NDRG3: variants seen among roughly 807,000 people sequenced by gnomAD.
NDRG3 encodes NDRG family member 3, also known as protein NDRG3.
A neutral mutation model predicts 57.2 loss-of-function variants in NDRG3; 23 were observed. That is an observed-to-expected ratio of 0.40 (90% CI 0.29 to 0.57). The LOEUF (loss-of-function observed/expected upper bound fraction) is 0.57. Ranked by LOEUF, NDRG3 falls within the 20% of genes least tolerant of loss-of-function variation. The pLI, the probability that NDRG3 is intolerant of heterozygous loss-of-function variation, is 0.42. For missense variants in NDRG3, 384 were observed against 457.3 expected, an observed-to-expected ratio of 0.84 and a Z score of 1.46; for synonymous variants, 132 against 162.6, an observed-to-expected ratio of 0.81 and a Z score of 1.43.
chr20:36,677,128 C>G (rs1273129300), intron 8 of NDRG3, among the ~76,000 whole-genome samples: 1 of 152,154 alleles, frequency 6.6e-6, no homozygotes, highest in East Asian at 1.9e-4. Context: ...AAGCGGGAGC[C>G]GGGCCCCTTC....
chr20:36,737,319 C>T (rs1985659364), intron 1 of NDRG3, among the ~76,000 whole-genome samples: 1 of 152,104 alleles, frequency 6.6e-6, no homozygotes, highest in South Asian at 2.1e-4. Context: ...AAAGCTACCA[C>T]CAGCAAAGCC....
chr20:36,690,919 G>A (rs1040028880), intron 3 of NDRG3, among the ~76,000 whole-genome samples: 3 of 152,262 alleles, frequency 2.0e-5, no homozygotes, highest in Non-Finnish European at 2.9e-5. Context: ...AGTAGATGCC[G>A]CACTAAGAGT....
chr20:36,698,730 A>C (rs544269978), intron 3 of NDRG3, among the ~76,000 whole-genome samples: 36 of 152,286 alleles, frequency 2.4e-4, no homozygotes, highest in Non-Finnish European at 4.9e-4. Context: ...TCAATGGGGA[A>C]ATTAATAAAT....
chr20:36,679,478 C>T (rs763933902), intron 8 of NDRG3, among the ~76,000 whole-genome samples: 18 of 151,924 alleles, frequency 1.2e-4, no homozygotes, highest in Non-Finnish European at 2.4e-4. Context: ...TACTAAAGAA[C>T]CGTTTAGAAC....
chr20:36,729,470 AGAGATG>A (rs1353709872), intron 1 of NDRG3, among the ~76,000 whole-genome samples: 2 of 152,102 alleles, frequency 1.3e-5, no homozygotes, highest in Admixed American at 1.3e-4. Context: ...ATCACTGAGG[AGAGATG>A]GAGATAATCT....
At chr20:36,728,394 G>C (rs1187498324) in intron 1 of NDRG3, among the ~76,000 whole-genome samples, 1 of 152,170 alleles carries the variant, frequency 6.6e-6, no homozygotes, top group African/African-American at 2.4e-5. Context: ...ATTACAGGTT[G>C]AGCATCCCAA....
chr20:36,725,798 C>T (rs578183113), intron 1 of NDRG3, among the ~76,000 whole-genome samples: 1 of 152,166 alleles, frequency 6.6e-6, no homozygotes, highest in South Asian at 2.1e-4. Context: ...AATTCACTCA[C>T]TGGAAAGCAA....
intron 2 of NDRG3, 144 bp from the exon 3 acceptor site, chr20:36,707,151 G>A (rs1389261134): frequency 1.4e-6 from 1 of 701,282 alleles, no homozygotes; most frequent in Admixed American, 2.3e-5. Context: ...GAAGGTTTCA[G>A]AGGCAGAGTG....
intron 3 of NDRG3, among the ~76,000 whole-genome samples, chr20:36,706,139 G>A (rs1983535344): frequency 6.6e-6 from 1 of 152,208 alleles, no homozygotes; most frequent in Non-Finnish European, 1.5e-5. Flanking sequence ...GGCAACAGAG[G>A]TGATGCAAAA....
At chr20:36,707,648 T>G (rs1378655224) in intron 2 of NDRG3, among the ~76,000 whole-genome samples, 2 of 151,664 alleles carry the variant, frequency 1.3e-5, no homozygotes, top group South Asian at 2.1e-4. Context: ...TCAAACACAG[T>G]CAAAAAATCG....
intron 4 of NDRG3, 131 bp from the exon 5 acceptor site, chr20:36,687,743 A>C: frequency 9.5e-7 from 1 of 1,056,534 alleles, no homozygotes. Context: ...GAGGTGTCTG[A>C]ACAATCTGTC....
At chr20:36,716,846 G>A (rs547421466) in intron 2 of NDRG3, among the ~76,000 whole-genome samples, 1 of 152,118 alleles carries the variant, frequency 6.6e-6, no homozygotes, top group Non-Finnish European at 1.5e-5. Context: ...AGTAGATGGT[G>A]GGAAGAACCC....
rs544420421 is a variant in NDRG3, at chr20:36,654,558, C to T, written c.947-857G>A. On this transcript the variant is annotated intron_variant, in intron 15 of 15. Coordinates refer to ENST00000349004, the MANE Select transcript of NDRG3 (RefSeq NM_032013.4). The stretch of plus-strand genomic sequence containing the variant: ...GTGGTGGAAGATGGGCCCTGCCTAT[C>T]AAGTTTCAGCTGCTGCTGTGACCCT... Among the ~76,000 whole-genome samples the T allele has an allele frequency of 2.6e-5, 4 of 152,332 alleles. No individual in the cohort carries two copies. In the South Asian group the frequency reaches 6.2e-4, roughly 24 times the overall value.
intron 12 of NDRG3, among the ~76,000 whole-genome samples, chr20:36,662,465 G>A (rs1026176671): frequency 7.2e-5 from 11 of 151,966 alleles, no homozygotes; most frequent in Non-Finnish European, 5.9e-5. Context: ...CACCAATCTC[G>A]GCCTCCCAAA....
chr20:36,733,158 AAAAAAAAAAAAAAATAT>A (rs1266608809), intron 1 of NDRG3, among the ~76,000 whole-genome samples: 93 of 46,366 alleles, frequency 2.0e-3, no homozygotes, highest in Non-Finnish European at 3.2e-3. Context: ...AAAAAAAAAA[AAAAAAAAAAAAAAATAT>A]ATATATATAT....
chr20:36,720,374 T>C (rs1008947240), intron 2 of NDRG3, among the ~76,000 whole-genome samples: 17 of 152,008 alleles, frequency 1.1e-4, no homozygotes, highest in Non-Finnish European at 5.9e-5. Context: ...AATTTCACCA[T>C]GTTGGCGAGG....
rs998207891 is a variant in NDRG3, at chr20:36,653,861, T to C, written c.947-160A>G. 2.6e-5 allele frequency among the ~76,000 whole-genome samples: 4 copies of C among 152,186 alleles called. No individual in the cohort carries two copies. Among genetic ancestry groups the C allele is most frequent in the African/African-American group, 7.2e-5 (3 of 41,446 alleles). On this transcript the variant is annotated intron_variant, in intron 15 of 15. Transcript: ENST00000349004. The surrounding 1 kb of genome is among the most constrained non-coding windows in gnomAD (Gnocchi z 4.2). Reference sequence around the variant, plus strand: ...CCCATTTTGTATCATTTGCTCTAGGTGAGTGGCGATATGTGAGGCCACTTT... The same window carrying C: ...CCCATTTTGTATCATTTGCTCTAGGCGAGTGGCGATATGTGAGGCCACTTT...
At chr20:36,735,426 A>C (rs534599869) in intron 1 of NDRG3, among the ~76,000 whole-genome samples, 1 of 152,332 alleles carries the variant, frequency 6.6e-6, no homozygotes, top group South Asian at 2.1e-4. Flanking sequence ...ATTTTGGATA[A>C]GGGATACTCA....
chr20:36,673,443 A>G (rs77027940), intron 8 of NDRG3, among the ~76,000 whole-genome samples: 5 of 151,528 alleles, frequency 3.3e-5, no homozygotes, highest in African/African-American at 7.3e-5. Context: ...CTCTTGTTCT[A>G]TCACCCAGGC....
Sources: gnomAD v4.1 joint callset for allele counts (sites outside exome capture counted in the v4.1 genomes callset) on GRCh38, gnomAD v4.1.1 for gene constraint, Gnocchi (gnomAD v3.1) non-coding constraint, MANE v1.5 for transcripts, NCBI Gene and HGNC (gene_info 2026-07-23, HGNC 2026-07-21) for gene names.